PRKCE: variants seen among roughly 807,000 people sequenced by gnomAD.
The protein encoded by PRKCE is protein kinase C epsilon.
PRKCE carries 16 observed loss-of-function variants against 85.4 expected under a neutral mutation model. The observed-to-expected ratio is 0.19, with a 90% CI of 0.13 to 0.28. PRKCE has a LOEUF of 0.28. PRKCE is among the 10% of genes least tolerant of loss of function. The pLI is 1.00. For missense variants in PRKCE, 573 were observed against 975.2 expected (o/e 0.59, Z 5.49); for synonymous variants, 388 against 371.5 (o/e 1.04, Z -0.51).
chr2:45,970,802 C>G (rs976574330), intron 2 of PRKCE, among the ~76,000 whole-genome samples: 1 of 151,468 alleles, frequency 6.6e-6, no homozygotes, highest in Non-Finnish European at 1.5e-5. Flanking sequence ...TGAAGTGTCA[C>G]TACGTCTATA....
chr2:45,952,291 T>G (rs1347154177), intron 2 of PRKCE, among the ~76,000 whole-genome samples: 5 of 152,218 alleles, frequency 3.3e-5, no homozygotes, highest in Non-Finnish European at 7.3e-5. Context: ...AAAGTTATAA[T>G]GATATACACA....
chr2:45,687,505 T>C (rs948394192), intron 1 of PRKCE, among the ~76,000 whole-genome samples: 29 of 152,228 alleles, frequency 1.9e-4, no homozygotes, highest in African/African-American at 6.8e-4. Context: ...GTGGGTGTTT[T>C]GATAATCTTT....
At chr2:45,796,533 G>A (rs1185949453) in intron 1 of PRKCE, among the ~76,000 whole-genome samples, 1 of 152,126 alleles carries the variant, frequency 6.6e-6, no homozygotes, top group East Asian at 1.9e-4. Flanking sequence ...CTTGAGAGGT[G>A]GCACTGTCTT....
chr2:45,840,815 G>A (rs1388176540), intron 1 of PRKCE, among the ~76,000 whole-genome samples: 1 of 152,184 alleles, frequency 6.6e-6, no homozygotes, highest in Non-Finnish European at 1.5e-5. Flanking sequence ...GGAGAGTTTG[G>A]AGAACACCAT....
intron 1 of PRKCE, among the ~76,000 whole-genome samples, chr2:45,711,891 G>GATTACAGGCATGAGCA (rs1491311846): frequency 1.3e-5 from 2 of 152,120 alleles, no homozygotes; most frequent in Admixed American, 1.3e-4. Context: ...CCAAAGTGCT[G>GATTACAGGCATGAGCA]GGATTACAGG....
intron 11 of PRKCE, among the ~76,000 whole-genome samples, chr2:46,122,851 A>C (rs1673439567): frequency 6.6e-6 from 1 of 150,426 alleles, no homozygotes; most frequent in African/African-American, 2.5e-5. Context: ...GCAGTGTTGA[A>C]ACCTGGCTTT....
chr2:46,157,321 A>T (rs1465406229), intron 13 of PRKCE, among the ~76,000 whole-genome samples: 1 of 152,190 alleles, frequency 6.6e-6, no homozygotes, highest in Non-Finnish European at 1.5e-5. Context: ...CCTCCCTGTG[A>T]GTCCCCTGCC....
At chr2:45,805,288 A>T (rs1205373914) in intron 1 of PRKCE, among the ~76,000 whole-genome samples, 1 of 152,176 alleles carries the variant, frequency 6.6e-6, no homozygotes, top group African/African-American at 2.4e-5. Context: ...GGACAGCATG[A>T]TTTTGTGCTC....
At chr2:45,836,469 A>T (rs1353170262) in intron 1 of PRKCE, among the ~76,000 whole-genome samples, 4 of 152,188 alleles carry the variant, frequency 2.6e-5, no homozygotes, top group African/African-American at 7.2e-5. Context: ...GCTGCTGCTG[A>T]GTTGCTCATT....
chr2:45,666,336 C>T (rs1675910316), intron 1 of PRKCE, among the ~76,000 whole-genome samples: 1 of 151,932 alleles, frequency 6.6e-6, no homozygotes, highest in Non-Finnish European at 1.5e-5. Flanking sequence ...CTTCCGGTTG[C>T]TCAGAACCCA....
chr2:46,126,449 A>T (rs762640734), intron 11 of PRKCE, among the ~76,000 whole-genome samples: 1 of 152,116 alleles, frequency 6.6e-6, no homozygotes, highest in African/African-American at 2.4e-5. Context: ...ATGGACTCCC[A>T]TGGGGGAGTC....
At chr2:46,174,615 A>G (rs1679248055) in intron 14 of PRKCE, among the ~76,000 whole-genome samples, 1 of 152,044 alleles carries the variant, frequency 6.6e-6, no homozygotes, top group African/African-American at 2.4e-5. Flanking sequence ...AGGCTCCCCC[A>G]TGCCACACAC....
intron 2 of PRKCE, among the ~76,000 whole-genome samples, chr2:45,853,133 T>G (rs570997988): frequency 1.8e-4 from 28 of 152,320 alleles, no homozygotes; most frequent in African/African-American, 6.7e-4. Context: ...TGCCTTTGAA[T>G]CCTTTTCTGT....
rs555243605 is a variant in PRKCE, at chr2:45,781,646, C to T, written c.349-61354C>T. 2.0e-5 allele frequency among the ~76,000 whole-genome samples: 3 copies of T among 152,282 alleles called. No homozygotes were observed. The East Asian group carries it at 5.8e-4, about 29-fold the overall frequency. On this transcript the variant is annotated intron_variant, in intron 1 of 14. Transcript: ENST00000306156. ...TGCAGGGCCTCCACCCGCGCCCGCC[C>T]CCCGGCCCCCGACATGATATTGGAA...
chr2:46,055,700 C>A (rs1404717665), intron 10 of PRKCE, among the ~76,000 whole-genome samples: 1 of 151,758 alleles, frequency 6.6e-6, no homozygotes, highest in Non-Finnish European at 1.5e-5. Context: ...TGCTCTGTTG[C>A]CCTGTTGGCT....
intron 2 of PRKCE, chr2:45,845,552 T>C (rs1310030842): frequency 2.0e-5 from 3 of 152,110 alleles, no homozygotes; most frequent in Non-Finnish European, 4.4e-5. Flanking sequence ...TTCATGGGAA[T>C]TGCACAAAGT....
At chr2:45,971,860 A>G (rs1355452642) in intron 2 of PRKCE, among the ~76,000 whole-genome samples, 2 of 152,182 alleles carry the variant, frequency 1.3e-5, no homozygotes, top group East Asian at 1.9e-4. Context: ...CCATTCATCC[A>G]TAGATGGACA....
At chr2:46,161,526 C>T (rs765038518) in intron 14 of PRKCE, among the ~76,000 whole-genome samples, 1 of 151,994 alleles carries the variant, frequency 6.6e-6, no homozygotes, top group Non-Finnish European at 1.5e-5. Context: ...GCTTATGGAG[C>T]ACCAGGCCCC....
chr2:45,722,904 C>T (rs1274098395), intron 1 of PRKCE, among the ~76,000 whole-genome samples: 1 of 152,178 alleles, frequency 6.6e-6, no homozygotes, highest in African/African-American at 2.4e-5. Context: ...AGTTTGAGAC[C>T]AGCCTGGCTA....
Sources: allele counts gnomAD v4.1 joint callset (sites outside exome capture counted in the v4.1 genomes callset), GRCh38; gene constraint gnomAD v4.1.1; transcripts MANE v1.5; gene names NCBI Gene and HGNC (gene_info 2026-07-23, HGNC 2026-07-21).